WDR90: variants seen among roughly 807,000 people sequenced by gnomAD.
WDR90 encodes WD repeat domain 90, also known as WD repeat-containing protein 90.
WDR90 carries 238 observed loss-of-function variants against 195.2 expected under a neutral mutation model. That is an observed-to-expected ratio of 1.22 (90% CI 1.10 to 1.36). WDR90 has a LOEUF of 1.36. WDR90 is among the 40% of genes most tolerant of loss of function. The pLI is 0.00. For missense variants in WDR90, 2,734 were observed against 2,439.5 expected, an observed-to-expected ratio of 1.12 and a Z score of -2.54; for synonymous variants, 1,265 against 1,052.4, an observed-to-expected ratio of 1.20 and a Z score of -3.91.
Position 665,793 on chromosome 16 carries a change from C to T in WDR90, c.4426C>T (p.Leu1476=). 1 of 1,587,972 alleles carries T rather than the reference C, an allele frequency of 6.3e-7. No homozygotes were observed. Among genetic ancestry groups the T allele is most frequent in the Non-Finnish European group, 8.6e-7 (1 of 1,163,104 alleles). ...SMELVIQFQV[L]NQSCLCLAWS... Reference sequence around the variant, plus strand: ...GGAGCTTGTGATCCAGTTCCAGGTGCTGAACCAGGTGTGTGGGGAGTGCCC... The same window carrying T: ...GGAGCTTGTGATCCAGTTCCAGGTGTTGAACCAGGTGTGTGGGGAGTGCCC... Residue 1476 remains leucine (L), a synonymous_variant, in exon 35 of 41, where the codon CTG becomes TTG. Transcript: ENST00000293879.
chr16:662,909 C>T (rs751326678), intron 34 of WDR90, 65 bp downstream of exon 34: 1 of 1,530,000 alleles, frequency 6.5e-7, no homozygotes, highest in African/African-American at 1.4e-5. Context: ...TGCCTGCCGG[C>T]TCCATCTCCA....
chr16:651,509 AGTGGGGATACTGGCT>A, intron 7 of WDR90, 120 bp from the exon 8 acceptor site: 1 of 1,033,844 alleles, frequency 9.7e-7, no homozygotes, highest in Non-Finnish European at 1.4e-6. Flanking sequence ...CTAGGGTGGA[AGTGGGGATACTGGCT>A]GTGGGTCCTG....
chr16:650,886 T>TG, intron 5 of WDR90, 109 bp from the exon 6 acceptor site: 1 of 1,489,972 alleles, frequency 6.7e-7, no homozygotes, highest in Non-Finnish European at 9.2e-7. Flanking sequence ...GAGGCAGCCC[T>TG]GGGGTGGGGC....
At position 658,556 on chromosome 16, in the gene WDR90, CCTT is replaced by C. The variant is rs776512973; in HGVS notation, c.2799_2801del (p.Leu934del). 19 of 1,612,682 alleles carry C rather than the reference CCTT, an allele frequency of 1.2e-5. No individual in the cohort carries two copies. The highest frequency in any genetic ancestry group is 1.3e-5 in the African/African-American group (1 of 75,062). ...GGTGTCCACCCTGAGCCCTGCCCCT[CCTT>C]GACGCTCAGTGAGGACGCCCGCTTC... On this transcript the variant is annotated inframe_deletion, in exon 23 of 41. Transcript: ENST00000293879.
intron 34 of WDR90, 130 bp downstream of exon 34, chr16:662,974 G>A (rs2037948337): frequency 7.2e-7 from 1 of 1,386,016 alleles, no homozygotes; most frequent in East Asian, 2.5e-5. Context: ...GCCGCCTTGG[G>A]GTTCCCAGCG....
chr16:651,288 G>C (rs757181268), intron 7 of WDR90, 22 bp downstream of exon 7: 1 of 1,612,232 alleles, frequency 6.2e-7, no homozygotes, highest in Non-Finnish European at 8.5e-7. Context: ...GGGTCAGCGG[G>C]GACCCAGGTT....
At position 667,820 on chromosome 16, in the gene WDR90, C is replaced by T. The variant is rs1228756821; in HGVS notation, c.*231C>T. On this transcript the variant is annotated 3_prime_UTR_variant, in exon 41 of 41. Coordinates refer to ENST00000293879, the MANE Select transcript of WDR90 (RefSeq NM_145294.5). ...GTTTCTATCTTGTAATAAACATGGGCATTTATTGCATTATTGCTGCATTGT... is the reference window on the plus strand; with the variant it reads ...GTTTCTATCTTGTAATAAACATGGGTATTTATTGCATTATTGCTGCATTGT... The T allele has an allele frequency of 6.1e-6, 4 of 660,680 alleles. No homozygotes were observed. Among genetic ancestry groups the T allele is most frequent in the Middle Eastern group, 2.4e-4 (1 of 4,154 alleles). The allele number at this position is 660,680 out of a possible 1,614,324, so 40.9% of individuals were successfully genotyped here.
chr16:651,416 C>G, intron 7 of WDR90, 150 bp downstream of exon 7: 1 of 1,119,360 alleles, frequency 8.9e-7, no homozygotes. Flanking sequence ...GTCCGAGTTC[C>G]CAGAACCACG....
intron 35 of WDR90, 71 bp from the exon 36 acceptor site, chr16:665,879 C>A (rs2038015511): frequency 6.4e-7 from 1 of 1,553,408 alleles, no homozygotes; most frequent in Non-Finnish European, 8.7e-7. Flanking sequence ...GGGCCGCCTC[C>A]TCCCTCTGGC....
At chr16:657,366 G>C in intron 20 of WDR90, 145 bp downstream of exon 20, 1 of 1,260,400 alleles carries the variant, frequency 7.9e-7, no homozygotes, top group South Asian at 1.6e-5. Context: ...CAGTAACCTT[G>C]TCAAGGCCCT....
At position 653,385 on chromosome 16, in the gene WDR90, T is replaced by C. The variant is rs2037683594; in HGVS notation, c.1167T>C (p.His389=). The change falls in exon 11 of 41, where the codon CAT becomes CAC. Residue 389 remains histidine, a synonymous_variant. Coordinates refer to ENST00000293879, the MANE Select transcript of WDR90 (RefSeq NM_145294.5). The stretch of plus-strand genomic sequence containing the variant: ...GGGCGGCTGTCGTGTACCCCTGCCA[T>C]GCGGTCATCGTCGTCCTGCTCGTGG... ...PDGAAVVYPC[H]AVIVVLLVDT... 6.9e-6 allele frequency: 11 copies of C among 1,604,036 alleles called. No homozygotes were observed. Among genetic ancestry groups the C allele is most frequent in the African/African-American group, 1.3e-5 (1 of 74,478 alleles).
chr16:662,886 C>T (rs1173086718), intron 34 of WDR90, 42 bp downstream of exon 34: 3 of 1,535,938 alleles, frequency 2.0e-6, no homozygotes, highest in Non-Finnish European at 2.6e-6. Context: ...GCAGCCGAAC[C>T]TGGTGCCCTC....
At chr16:662,525 C>T in intron 33 of WDR90, 154 bp from the exon 34 acceptor site, 3 of 1,244,440 alleles carry the variant, frequency 2.4e-6, no homozygotes, top group Non-Finnish European at 2.2e-6. Flanking sequence ...CCCAGAAGCC[C>T]CAGCTCCATG....
At position 650,272 on chromosome 16, in the gene WDR90, G is replaced by C. The variant is rs2037616807; in HGVS notation, c.298G>C (p.Val100Leu). ...CCCACAGGACAACCAAGTCATCCGT[G>C]TGTCTTTCTCCAACCTCTTCAAGGA... ...VSSKDNQVIR[V>L]SFSNLFKEFK... Residue 100 changes from valine to leucine, a missense_variant, in exon 4 of 41, where the codon GTG (valine) becomes CTG (leucine). Coordinates refer to ENST00000293879, the MANE Select transcript of WDR90 (RefSeq NM_145294.5). The C allele has an allele frequency of 6.2e-7, 1 of 1,612,832 alleles. No homozygotes were observed. The highest frequency in any genetic ancestry group is 1.3e-5 in the African/African-American group (1 of 74,936).
chr16:667,343 G>A, intron 40 of WDR90, 89 bp from the exon 41 acceptor site: 2 of 1,498,102 alleles, frequency 1.3e-6, no homozygotes, highest in Non-Finnish European at 8.9e-7. Flanking sequence ...CCAGCATCAT[G>A]CCCAGTGGGG....
In WDR90 at chr16:656,815, C is replaced by A; in HGVS notation, c.2286C>A (p.Ser762Arg). 1 of 1,613,124 alleles carries A rather than the reference C, an allele frequency of 6.2e-7. No homozygotes were observed. The highest frequency in any genetic ancestry group is 8.5e-7 in the Non-Finnish European group (1 of 1,179,976). The change falls in exon 19 of 41, where the codon AGC becomes AGA. Residue 762 changes from serine (S) to arginine (R), a missense_variant. Coordinates refer to ENST00000293879, the MANE Select transcript of WDR90 (RefSeq NM_145294.5). ...GGCCAACCTTTTTCTGTGGCTTTAG[C>A]AGTGGGGCCGTGCGCTCCTTCAGCC... ...PTRPTFFCGF[S>R]SGAVRSFSLE...
rs745410712 is a variant in WDR90 at position 656,746 on chromosome 16, A to G, written c.2217A>G (p.Thr739=). ...LATLQQLYDF[T]SSEDAPCAVT... ...CTGTCCCACAGCTATACGACTTCAC[A>G]TCATCAGAGGACGCCCCGTGCGCTG... Residue 739 remains threonine, a synonymous_variant, in exon 19 of 41, where the codon ACA becomes ACG. Transcript: ENST00000293879. The G allele has an allele frequency of 5.0e-6, 8 of 1,612,916 alleles. No individual in the cohort carries two copies. In the East Asian group the frequency reaches 1.3e-4, roughly 27 times the overall value.
Position 661,408 on chromosome 16 carries a change from T to C in WDR90, c.3580T>C (p.Ser1194Pro). The stretch of plus-strand genomic sequence containing the variant: ...TTGTCAGATCCGCGTCTGGGACGTG[T>C]CTGGCGGCCTCTGCCAGCATCTCAT... Reference protein sequence around the residue: ...AHCQIRVWDVSGGLCQHLIFP... With the variant: ...AHCQIRVWDVPGGLCQHLIFP... The change falls in exon 30 of 41, where the codon TCT becomes CCT. Residue 1194 changes from serine (S) to proline (P), a missense_variant. By Grantham distance (74) the Ser-to-Pro change is moderately conservative. Transcript: ENST00000293879. The C allele has an allele frequency of 6.2e-7, 1 of 1,612,112 alleles. No individual in the cohort carries two copies.
At position 667,415 on chromosome 16, in the gene WDR90, G is replaced by T; in HGVS notation, c.5090-17G>T. On this transcript the variant is annotated splice_polypyrimidine_tract_variant and intron_variant, in intron 40 of 40. Transcript: ENST00000293879. ...GCCTGGTCCTGGCCCTGGCCCACCT[G>T]CACCGTCTACCCACAGAGTGCATGC... The T allele has an allele frequency of 2.5e-6, 4 of 1,583,860 alleles. No homozygotes were observed. Among genetic ancestry groups the T allele is most frequent in the Non-Finnish European group, 3.4e-6 (4 of 1,160,966 alleles).
Sources: allele counts gnomAD v4.1 joint callset, GRCh38; gene constraint gnomAD v4.1.1; transcripts MANE v1.5; gene names NCBI Gene and HGNC (gene_info 2026-07-23, HGNC 2026-07-21).